SOS1: variants seen among roughly 807,000 people sequenced by gnomAD.
The protein encoded by SOS1 is son of sevenless homolog 1.
In SOS1, 25 loss-of-function variants were observed where a neutral mutation model predicts 157.6. That is an observed-to-expected ratio of 0.16 (90% confidence interval 0.12 to 0.22). The LOEUF is 0.22. SOS1 is among the 10% of genes least tolerant of loss of function. SOS1 has a pLI of 1.00. For missense variants in SOS1, 1,237 were observed against 1,599.1 expected, an observed-to-expected ratio of 0.77 and a Z score of 3.86; for synonymous variants, 528 against 534.0, an observed-to-expected ratio of 0.99 and a Z score of 0.16.
At chr2:39,058,461 T>C (rs892602693) in intron 3 of SOS1, among the ~76,000 whole-genome samples, 2 of 152,110 alleles carry the variant, frequency 1.3e-5, no homozygotes, top group African/African-American at 2.4e-5. Context: ...CTTATTACTA[T>C]TGATATGAAA....
intron 1 of SOS1, among the ~76,000 whole-genome samples, chr2:39,085,803 A>C (rs1672347701): frequency 6.6e-6 from 1 of 152,214 alleles, no homozygotes; most frequent in South Asian, 2.1e-4. Context: ...CTATATCCCA[A>C]ATATGATATA....
intron 1 of SOS1, among the ~76,000 whole-genome samples, chr2:39,091,693 T>C (rs558174864): frequency 6.6e-6 from 1 of 152,298 alleles, no homozygotes; most frequent in Non-Finnish European, 1.5e-5. Context: ...CAGTCACCTT[T>C]TCTATACCAG....
At chr2:39,090,993 C>A (rs995867925) in intron 1 of SOS1, among the ~76,000 whole-genome samples, 1 of 152,066 alleles carries the variant, frequency 6.6e-6, no homozygotes, top group Non-Finnish European at 1.5e-5. Context: ...TTCAGCCTCC[C>A]GAGTAAATGG....
intron 1 of SOS1, among the ~76,000 whole-genome samples, chr2:39,073,617 TC>T (rs1404686512): frequency 6.6e-6 from 1 of 152,220 alleles, no homozygotes; most frequent in Non-Finnish European, 1.5e-5. Context: ...TCTAGTAAGT[TC>T]CAGCAGATTC....
In SOS1 at chr2:39,046,453, ACTTT is replaced by A. The variant is rs1356176020; in HGVS notation, c.864+4687_864+4690del. 4.0e-5 allele frequency among the ~76,000 whole-genome samples: 6 copies of A among 150,968 alleles called. No individual in the cohort carries two copies. In the East Asian group the frequency reaches 7.7e-4, roughly 19 times the overall value. On this transcript the variant is annotated intron_variant, in intron 6 of 22. Transcript: ENST00000402219. ...AGCAATTCATTAAATTTATCAACAC[ACTTT>A]CTAATTTTTTATTTATTTATTTATT...
At chr2:39,052,230 T>A (rs1013539972) in intron 5 of SOS1, among the ~76,000 whole-genome samples, 1 of 152,246 alleles carries the variant, frequency 6.6e-6, no homozygotes, top group African/African-American at 2.4e-5. Context: ...ATGTAGAATC[T>A]GCAACCATAT....
intron 8 of SOS1, among the ~76,000 whole-genome samples, chr2:39,034,356 T>C (rs537059035): frequency 2.0e-5 from 3 of 152,338 alleles, no homozygotes; most frequent in East Asian, 1.9e-4. Flanking sequence ...CATTTTATCA[T>C]CTGCAAACTA....
At chr2:39,018,575 A>G (rs941216179) in intron 10 of SOS1, among the ~76,000 whole-genome samples, 1 of 151,830 alleles carries the variant, frequency 6.6e-6, no homozygotes, top group Non-Finnish European at 1.5e-5. Context: ...TTAGGAACTC[A>G]GAGTATACCT....
intron 1 of SOS1, among the ~76,000 whole-genome samples, chr2:39,117,189 A>G (rs1369429734): frequency 6.6e-6 from 1 of 151,854 alleles, no homozygotes; most frequent in Non-Finnish European, 1.5e-5. Context: ...CCACCACGCC[A>G]GGCTAATTTT....
At chr2:39,015,519 T>C (rs894305638) in intron 10 of SOS1, among the ~76,000 whole-genome samples, 1 of 152,042 alleles carries the variant, frequency 6.6e-6, no homozygotes, top group African/African-American at 2.4e-5. Context: ...ATCATAAATA[T>C]AGGAGTCTCC....
At chr2:39,099,295 A>G (rs901077179) in intron 1 of SOS1, among the ~76,000 whole-genome samples, 1 of 152,248 alleles carries the variant, frequency 6.6e-6, no homozygotes, top group Non-Finnish European at 1.5e-5. Flanking sequence ...GATACATGCT[A>G]AAATATGGAT....
intron 6 of SOS1, among the ~76,000 whole-genome samples, chr2:39,036,991 T>C (rs1383293214): frequency 1.3e-5 from 2 of 152,182 alleles, no homozygotes; most frequent in East Asian, 1.9e-4. Context: ...TTTTAAGAAA[T>C]GATTGAACAG....
intron 15 of SOS1, among the ~76,000 whole-genome samples, chr2:39,009,462 G>A (rs1174723789): frequency 6.6e-6 from 1 of 152,130 alleles, no homozygotes; most frequent in Non-Finnish European, 1.5e-5. Context: ...AGGTAATTGT[G>A]TAATTATTAA....
At chr2:39,009,770 T>C (rs1472396202) in intron 15 of SOS1, among the ~76,000 whole-genome samples, 1 of 152,128 alleles carries the variant, frequency 6.6e-6, no homozygotes, top group African/African-American at 2.4e-5. Context: ...TAGAGCTACA[T>C]AGGAGTAATA....
intron 1 of SOS1, among the ~76,000 whole-genome samples, chr2:39,088,784 A>G (rs1672473597): frequency 6.6e-6 from 1 of 152,164 alleles, no homozygotes; most frequent in Non-Finnish European, 1.5e-5. Flanking sequence ...GCCTATAAAC[A>G]CTGGTGTACA....
At chr2:39,094,397 C>G (rs1034398355) in intron 1 of SOS1, among the ~76,000 whole-genome samples, 5 of 152,082 alleles carry the variant, frequency 3.3e-5, no homozygotes, top group Admixed American at 6.5e-5. Context: ...CCTGTAATCC[C>G]AGCTCTTTGG....
chr2:39,080,399 C>T (rs1306608066), intron 1 of SOS1, among the ~76,000 whole-genome samples: 1 of 152,138 alleles, frequency 6.6e-6, no homozygotes, highest in Non-Finnish European at 1.5e-5. Flanking sequence ...TGCTCACCTC[C>T]TGCTGTGCGG....
intron 1 of SOS1, among the ~76,000 whole-genome samples, chr2:39,096,303 G>A (rs1342254191): frequency 1.3e-5 from 2 of 152,130 alleles, no homozygotes; most frequent in Admixed American, 6.5e-5. Context: ...GAAACAACCT[G>A]TTCATTCTAC....
chr2:39,027,523 T>A (rs1025047118), intron 8 of SOS1, among the ~76,000 whole-genome samples: 1 of 152,220 alleles, frequency 6.6e-6, no homozygotes, highest in Non-Finnish European at 1.5e-5. Flanking sequence ...CATAGCTAAT[T>A]TAAACTTGGC....
Sources: allele counts gnomAD v4.1 joint callset (sites outside exome capture counted in the v4.1 genomes callset), GRCh38; gene constraint gnomAD v4.1.1; transcripts MANE v1.5; gene names NCBI Gene and HGNC (gene_info 2026-07-23, HGNC 2026-07-21).